TNS1: variants seen among roughly 807,000 people sequenced by gnomAD.
The protein encoded by TNS1 is tensin-1.
Under a neutral mutation model 168.6 loss-of-function variants are expected in TNS1, and 62 were observed. The observed-to-expected ratio is 0.37, with a 90% confidence interval of 0.30 to 0.45. The LOEUF is 0.45. Ranked by LOEUF, TNS1 falls within the 20% of genes least tolerant of loss-of-function variation. The probability of loss-of-function intolerance (pLI) is 1.00; values close to 1 mark genes in which losing one functional copy is unlikely to be tolerated. For missense variants in TNS1, 2,240 were observed against 2,339.4 expected, an observed-to-expected ratio of 0.96 and a Z score of 0.88; for synonymous variants, 934 against 933.2, an observed-to-expected ratio of 1.00 and a Z score of -0.02.
At chr2:217,824,048 A>T (rs1943263662) in intron 22 of TNS1, among the ~76,000 whole-genome samples, 1 of 152,212 alleles carries the variant, frequency 6.6e-6, no homozygotes, top group South Asian at 2.1e-4. Flanking sequence ...AATAGTAAAT[A>T]TCTTAGGCTG....
chr2:217,964,396 A>G (rs934863509), intron 3 of TNS1, among the ~76,000 whole-genome samples: 12 of 151,818 alleles, frequency 7.9e-5, no homozygotes, highest in Non-Finnish European at 1.6e-4. Context: ...CAGACTTGGC[A>G]CTCAGCTCAG....
chr2:217,970,713 G>T (rs1196978527), intron 3 of TNS1, among the ~76,000 whole-genome samples: 3 of 152,146 alleles, frequency 2.0e-5, no homozygotes, highest in African/African-American at 7.2e-5. Flanking sequence ...CTGGGGTGAG[G>T]TCGGGGAGAG....
rs1275856911 is a variant in TNS1 at position 217,804,548 on chromosome 2, G to C, written c.5431C>G (p.Leu1811Val). The change falls in exon 33 of 33, where the codon CTC becomes GTC. Residue 1811 changes from leucine (L) to valine (V), a missense_variant. Around this residue, in one of 2 missense-constraint regions of TNS1, gnomAD observed 109 missense variants for 168.1 expected, o/e 0.65. Coordinates refer to ENST00000682258, the MANE Select transcript of TNS1 (RefSeq NM_001387777.1). ...TGGTTGGGGTCAAGCTCAGCAAAGA[G>C]GTGGCAGGCGTTGTCCGTGGTGCTG... ...QGSTTDNACH[L>V]FAELDPNQPA... 2 of 1,614,178 alleles carry C rather than the reference G, an allele frequency of 1.2e-6. No homozygotes were observed. Among genetic ancestry groups the C allele is most frequent in the South Asian group, 2.2e-5 (2 of 91,086 alleles).
Position 217,838,649 on chromosome 2 carries a change from G to A in TNS1, c.3008-2438C>T, listed in dbSNP as rs145753994. Among the ~76,000 whole-genome samples, 148 of 152,252 alleles carry A rather than the reference G, an allele frequency of 9.7e-4. No homozygotes were observed. In the Middle Eastern group the frequency reaches 0.02, roughly 21 times the overall value. On this transcript the variant is annotated intron_variant, in intron 19 of 32. Coordinates refer to ENST00000682258, the MANE Select transcript of TNS1 (RefSeq NM_001387777.1). ...CCCCATGGCACCAATGGCCAGTCAG[G>A]GCCACTCACATTCTTTGAACACAGT... is the stretch of plus-strand genomic sequence containing the variant.
At chr2:218,031,250 G>A (rs1472692058) in intron 1 of TNS1, among the ~76,000 whole-genome samples, 2 of 132,084 alleles carry the variant, frequency 1.5e-5, no homozygotes, top group African/African-American at 3.7e-5. Flanking sequence ...ATGTCTGTGT[G>A]TGAGTGTATG....
In TNS1 at chr2:217,885,067, A is replaced by C; in HGVS notation, c.1214T>G (p.Phe405Cys). ...TCAIHDLGVV[F>C]GKEDLDDAFK... Reference sequence around the variant, plus strand: ...AGCATCATCAAGGTCCTCCTTCCCAAAGACAACCCCCAGGTCATGGATGGC... The same window carrying C: ...AGCATCATCAAGGTCCTCCTTCCCACAGACAACCCCCAGGTCATGGATGGC... The change falls in exon 16 of 33, where the codon TTT becomes TGT. Residue 405 changes from phenylalanine to cysteine, a missense_variant. This residue lies in a region of TNS1 where 2,131 missense variants were observed against 2,171.2 expected (regional missense o/e 0.98). Coordinates refer to ENST00000682258, the MANE Select transcript of TNS1 (RefSeq NM_001387777.1). The C allele has an allele frequency of 1.9e-6, 3 of 1,614,196 alleles. No homozygotes were observed. The highest frequency in any genetic ancestry group is 2.5e-6 in the Non-Finnish European group (3 of 1,180,030).
chr2:217,850,580 C>T lies in TNS1; in HGVS notation c.1430-1493G>A, dbSNP rs898795963. On this transcript the variant is annotated intron_variant, in intron 18 of 32. Coordinates refer to ENST00000682258, the MANE Select transcript of TNS1 (RefSeq NM_001387777.1). ...TCAGCAGCCCAGCCACCAGCCCCGA[C>T]AGACACACACACACACACACACACA... 3 of 952,044 alleles carry T rather than the reference C, an allele frequency of 3.2e-6. No homozygotes were observed. The African/African-American group carries it at 6.6e-5, about 21-fold the overall frequency. The allele number at this position is 952,044 out of a possible 1,614,324, so 59.0% of individuals were successfully genotyped here.
At position 217,997,243 on chromosome 2, in the gene TNS1, A is replaced by C. The variant is rs139652990; in HGVS notation, c.33+5597T>G. Among the ~76,000 whole-genome samples the C allele has an allele frequency of 8.6e-3, 1,302 of 152,242 alleles. 8 individuals are homozygous for C. The highest frequency in any genetic ancestry group is 0.016 in the Admixed American group (246 of 15,294). On this transcript the variant is annotated intron_variant, in intron 1 of 32. Coordinates refer to ENST00000682258, the MANE Select transcript of TNS1 (RefSeq NM_001387777.1). ...ATGAACACGCATGTTCCCTTCTCCT[A>C]TGATCACACTCAGAAATTCAGCATC...
upstream of TNS1, among the ~76,000 whole-genome samples, chr2:218,014,862 A>AGGAAGGAT: frequency 1.2e-5 from 1 of 85,812 alleles, no homozygotes; most frequent in South Asian, 4.3e-4. Flanking sequence ...GCAGGAGGGA[A>AGGAAGGAT]GGAAGGACGG....
intron 7 of TNS1, 79 bp from the exon 8 acceptor site, chr2:217,898,048 C>A: frequency 6.8e-7 from 1 of 1,463,370 alleles, no homozygotes; most frequent in Non-Finnish European, 9.1e-7. Context: ...GCACCCCATA[C>A]ACACCCTGTG....
At chr2:217,942,026 C>T (rs1180097878) in intron 3 of TNS1, among the ~76,000 whole-genome samples, 2 of 152,196 alleles carry the variant, frequency 1.3e-5, no homozygotes, top group African/African-American at 2.4e-5. Context: ...AGCATCCCAA[C>T]CCAGCCCCGC....
chr2:217,892,947 C>T lies in TNS1; in HGVS notation c.782+1G>A, dbSNP rs1430794379. 6.2e-7 allele frequency: 1 copy of T among 1,614,126 alleles called. No individual in the cohort carries two copies. Among genetic ancestry groups the T allele is most frequent in the East Asian group, 2.2e-5 (1 of 44,886 alleles). ...GATGGGAGGCTCCAGGCCCCTCTTA[C>T]CTGGCAGAAATGTTGCTGTAGTGCA... On this transcript the variant is annotated splice_donor_variant, in intron 11 of 32. Coordinates refer to ENST00000682258, the MANE Select transcript of TNS1 (RefSeq NM_001387777.1). LOFTEE classifies it high-confidence loss of function.
chr2:217,864,966 G>A (rs993613548), intron 18 of TNS1, among the ~76,000 whole-genome samples: 3 of 152,126 alleles, frequency 2.0e-5, no homozygotes, highest in Non-Finnish European at 4.4e-5. Flanking sequence ...AGGTGGGTGT[G>A]TGCAGAGGAG....
At chr2:217,890,586 G>A (rs935107962) in intron 12 of TNS1, 4 of 220,508 alleles carry the variant, frequency 1.8e-5, no homozygotes, top group Non-Finnish European at 2.7e-5. Context: ...CACAGCAGGG[G>A]GCAGTGATGC....
intron 3 of TNS1, among the ~76,000 whole-genome samples, chr2:217,945,392 A>T (rs1440303852): frequency 1.3e-5 from 2 of 152,210 alleles, no homozygotes; most frequent in Non-Finnish European, 2.9e-5. Context: ...GGAGATGGCC[A>T]GTACTTTGGA....
intron 1 of TNS1, among the ~76,000 whole-genome samples, chr2:218,016,321 G>A (rs949622927): frequency 6.6e-6 from 1 of 152,138 alleles, no homozygotes; most frequent in Non-Finnish European, 1.5e-5. Flanking sequence ...TGACTGGCAG[G>A]GAGCTAGAGA....
At chr2:217,965,166 C>T (rs1424204129) in intron 3 of TNS1, among the ~76,000 whole-genome samples, 2 of 152,166 alleles carry the variant, frequency 1.3e-5, no homozygotes, top group Non-Finnish European at 2.9e-5. Context: ...GGGCACTTAG[C>T]TGTTTGTTAT....
intron 1 of TNS1, among the ~76,000 whole-genome samples, chr2:217,997,235 C>T (rs576900371): frequency 6.6e-6 from 1 of 152,250 alleles, no homozygotes; most frequent in South Asian, 2.1e-4. Context: ...CGCATGTTCC[C>T]TTCTCCTATG....
chr2:217,889,823 A>G (rs1235350768), intron 12 of TNS1, among the ~76,000 whole-genome samples: 7 of 152,218 alleles, frequency 4.6e-5, no homozygotes, highest in Non-Finnish European at 8.8e-5. Flanking sequence ...CCCAGCAGCA[A>G]ACAGAGCTGG....
Sources: gnomAD v4.1 joint callset for allele counts (sites outside exome capture counted in the v4.1 genomes callset) on GRCh38, gnomAD v4.1.1 for gene constraint, gnomAD v4.1.1 regional missense constraint, MANE v1.5 for transcripts, NCBI Gene and HGNC (gene_info 2026-07-23, HGNC 2026-07-21) for gene names.